Variants in LINGO2 observed in about 807,000 individuals in gnomAD.
LINGO2 encodes the protein leucine rich repeat and Ig domain containing 2.
In LINGO2, 14 loss-of-function variants were observed where a neutral mutation model predicts 30.6. The ratio of observed to expected loss-of-function variants is 0.46; its 90% CI spans 0.30 to 0.72. LINGO2 has a LOEUF of 0.72. Among genes scored for constraint, LINGO2 ranks in the 30% least tolerant of loss-of-function variants. The pLI, the probability that LINGO2 is intolerant of heterozygous loss-of-function variation, is 0.07. For missense variants in LINGO2, 729 were observed against 751.7 expected, an observed-to-expected ratio of 0.97 and a Z score of 0.35; for synonymous variants, 317 against 288.5, an observed-to-expected ratio of 1.10 and a Z score of -1.00.
At chr9:28,583,497 C>T (rs1044373324) in intron 1 of LINGO2, among the ~76,000 whole-genome samples, 1 of 151,922 alleles carries the variant, frequency 6.6e-6, no homozygotes, top group South Asian at 2.1e-4. Flanking sequence ...AAAAGGCTTG[C>T]TTAGCCATAA....
the LINGO2 span, among the ~76,000 whole-genome samples, chr9:28,779,184 A>G: frequency 1.8e-4 from 27 of 152,308 alleles, no homozygotes; most frequent in African/African-American, 4.8e-4. Context: ...TTTTAAAATA[A>G]TTTATTTCAT....
chr9:28,072,070 G>A (rs1471934797), intron 4 of LINGO2, among the ~76,000 whole-genome samples: 2 of 152,056 alleles, frequency 1.3e-5, no homozygotes, highest in Admixed American at 6.6e-5. Flanking sequence ...GTATTTACTT[G>A]CACTTTTTTC....
chr9:28,195,540 ATAAT>A (rs1242519407), intron 4 of LINGO2, among the ~76,000 whole-genome samples: 2 of 150,574 alleles, frequency 1.3e-5, no homozygotes, highest in Non-Finnish European at 3.0e-5. Flanking sequence ...AATTATAATA[ATAAT>A]TAAATAAATA....
the LINGO2 span, among the ~76,000 whole-genome samples, chr9:28,980,294 T>C: frequency 2.6e-5 from 4 of 152,238 alleles, no homozygotes; most frequent in East Asian, 7.7e-4. Context: ...CTGATCTCCA[T>C]ACTTCCATCT....
At chr9:28,011,244 C>T (rs1298841905) in intron 5 of LINGO2, among the ~76,000 whole-genome samples, 2 of 152,098 alleles carry the variant, frequency 1.3e-5, no homozygotes, top group African/African-American at 2.4e-5. Flanking sequence ...CAAAAAATTG[C>T]TGGCACCAGA....
At chr9:28,283,239 C>G (rs967796933) in intron 4 of LINGO2, among the ~76,000 whole-genome samples, 1 of 152,102 alleles carries the variant, frequency 6.6e-6, no homozygotes, top group Non-Finnish European at 1.5e-5. Flanking sequence ...TATACATTTA[C>G]GTACAAAATT....
chr9:29,025,175 A>G, the LINGO2 span, among the ~76,000 whole-genome samples: 1 of 152,006 alleles, frequency 6.6e-6, no homozygotes, highest in African/African-American at 2.4e-5. Flanking sequence ...AAAAAAAAAC[A>G]AGGAATAAGT....
At chr9:29,050,404 C>A in the LINGO2 span, among the ~76,000 whole-genome samples, 98 of 152,000 alleles carry the variant, frequency 6.4e-4, no homozygotes, top group African/African-American at 1.9e-3. Context: ...TATGTATCCA[C>A]AAATGTTAAA....
chr9:28,934,147 C>A, the LINGO2 span, among the ~76,000 whole-genome samples: 2 of 152,138 alleles, frequency 1.3e-5, no homozygotes, highest in African/African-American at 4.8e-5. Context: ...CATAGCTGAA[C>A]TTGAGTATTG....
intron 5 of LINGO2, among the ~76,000 whole-genome samples, chr9:28,010,560 C>G (rs978980812): frequency 9.9e-5 from 15 of 152,244 alleles, no homozygotes; most frequent in Non-Finnish European, 5.9e-5. Context: ...TAGATCCCAC[C>G]CAGTCAGGTT....
At chr9:28,704,303 G>C in the LINGO2 span, among the ~76,000 whole-genome samples, 1 of 151,846 alleles carries the variant, frequency 6.6e-6, no homozygotes, top group East Asian at 1.9e-4. Context: ...TCTTATCTTT[G>C]CTTCCCTGGA....
At chr9:28,605,468 T>G (rs1452525627) in intron 1 of LINGO2, among the ~76,000 whole-genome samples, 1 of 151,998 alleles carries the variant, frequency 6.6e-6, no homozygotes, top group Non-Finnish European at 1.5e-5. Flanking sequence ...CTTGTTTCTC[T>G]CTCATGACAG....
chr9:27,964,935 G>A (rs1314100473), intron 5 of LINGO2, among the ~76,000 whole-genome samples: 2 of 151,986 alleles, frequency 1.3e-5, no homozygotes, highest in Admixed American at 6.6e-5. Flanking sequence ...TGCCTTCAAC[G>A]GCATGGAAAA....
intron 1 of LINGO2, among the ~76,000 whole-genome samples, chr9:28,560,461 G>T (rs1822986785): frequency 6.6e-6 from 1 of 151,956 alleles, no homozygotes; most frequent in Non-Finnish European, 1.5e-5. Flanking sequence ...AACCCACTTT[G>T]CACATTTTAA....
chr9:28,611,461 T>C (rs1367585143), intron 1 of LINGO2, among the ~76,000 whole-genome samples: 1 of 152,096 alleles, frequency 6.6e-6, no homozygotes, highest in Admixed American at 6.6e-5. Context: ...ACAGGCACCA[T>C]GCTGCACATC....
chr9:27,965,830 G>A (rs1173804919), intron 5 of LINGO2, among the ~76,000 whole-genome samples: 1 of 152,122 alleles, frequency 6.6e-6, no homozygotes, highest in Middle Eastern at 3.4e-3. Flanking sequence ...TAATTAAAGG[G>A]TAGTTGGCTT....
chr9:28,963,175 T>C, the LINGO2 span, among the ~76,000 whole-genome samples: 4 of 152,018 alleles, frequency 2.6e-5, no homozygotes, highest in African/African-American at 9.7e-5. Flanking sequence ...CATTTTGTAC[T>C]AATACTTGAG....
the LINGO2 span, among the ~76,000 whole-genome samples, chr9:29,149,901 T>A: frequency 6.6e-6 from 1 of 152,138 alleles, no homozygotes; most frequent in Non-Finnish European, 1.5e-5. Flanking sequence ...AGCATGTGTG[T>A]TTTGCAGACC....
chr9:28,054,192 A>G (rs941307997), intron 4 of LINGO2, among the ~76,000 whole-genome samples: 3 of 152,082 alleles, frequency 2.0e-5, no homozygotes, highest in Non-Finnish European at 4.4e-5. Context: ...CATTAGGAGA[A>G]ATCTTAATGA....
Sources: gnomAD v4.1 joint callset for allele counts (sites outside exome capture counted in the v4.1 genomes callset) on GRCh38, gnomAD v4.1.1 for gene constraint, MANE v1.5 for transcripts, NCBI Gene and HGNC (gene_info 2026-07-23, HGNC 2026-07-21) for gene names.